SLC24A2: variants seen among roughly 807,000 people sequenced by gnomAD.
SLC24A2 encodes the protein solute carrier family 24 member 2.
SLC24A2 carries 36 observed loss-of-function variants against 62.0 expected under a neutral mutation model. The ratio of observed to expected loss-of-function variants is 0.58; its 90% CI spans 0.44 to 0.77. The LOEUF is 0.77. SLC24A2 is among the 30% of genes least tolerant of loss of function. The pLI is 0.00. For missense variants in SLC24A2, 846 were observed against 817.9 expected, an observed-to-expected ratio of 1.03 and a Z score of -0.42; for synonymous variants, 358 against 294.0, an observed-to-expected ratio of 1.22 and a Z score of -2.23.
At chr9:19,529,229 T>C (rs1833580490) in intron 8 of SLC24A2, among the ~76,000 whole-genome samples, 1 of 152,150 alleles carries the variant, frequency 6.6e-6, no homozygotes, top group Admixed American at 6.5e-5. Flanking sequence ...AGAGTTGACT[T>C]GTATGAAAGT....
the SLC24A2 span, among the ~76,000 whole-genome samples, chr9:19,963,834 A>G: frequency 1.3e-5 from 2 of 152,158 alleles, no homozygotes; most frequent in African/African-American, 4.8e-5. Context: ...ACCTAGAACT[A>G]GAAATACCAT....
intron 2 of SLC24A2, among the ~76,000 whole-genome samples, chr9:19,709,215 A>C (rs547463448): frequency 2.0e-5 from 3 of 151,914 alleles, no homozygotes; most frequent in African/African-American, 7.2e-5. Flanking sequence ...ATACCATCTC[A>C]CACCAGTTAG....
the SLC24A2 span, among the ~76,000 whole-genome samples, chr9:19,924,394 T>C: frequency 2.6e-5 from 4 of 152,216 alleles, no homozygotes; most frequent in Admixed American, 2.6e-4. Context: ...ACCCCATTTC[T>C]CCTGCAGTTA....
the SLC24A2 span, among the ~76,000 whole-genome samples, chr9:20,286,109 T>A: frequency 6.6e-6 from 1 of 152,226 alleles, no homozygotes. Context: ...AACTTATGCC[T>A]GCACTGAGCT....
At chr9:20,194,403 C>G in the SLC24A2 span, among the ~76,000 whole-genome samples, 1 of 152,092 alleles carries the variant, frequency 6.6e-6, no homozygotes, top group African/African-American at 2.4e-5. Context: ...TCCAAGATTA[C>G]TGTACACATT....
chr9:19,935,205 T>C, the SLC24A2 span, among the ~76,000 whole-genome samples: 3 of 151,598 alleles, frequency 2.0e-5, no homozygotes, highest in Non-Finnish European at 4.4e-5. Context: ...TGACCTACTA[T>C]ATTGGAAATC....
At chr9:20,232,381 G>A in the SLC24A2 span, among the ~76,000 whole-genome samples, 2 of 152,084 alleles carry the variant, frequency 1.3e-5, no homozygotes, top group Admixed American at 1.3e-4. Context: ...TTTTTTGGTT[G>A]GTAAGCTATT....
At chr9:20,018,967 G>C in the SLC24A2 span, among the ~76,000 whole-genome samples, 1 of 151,838 alleles carries the variant, frequency 6.6e-6, no homozygotes, top group Non-Finnish European at 1.5e-5. Flanking sequence ...AGGAGGCTGA[G>C]GTAGGAGGAG....
chr9:20,075,354 G>A, the SLC24A2 span, among the ~76,000 whole-genome samples: 4 of 152,288 alleles, frequency 2.6e-5, no homozygotes, highest in Admixed American at 2.6e-4. Context: ...AGAATAACTG[G>A]ATAACCTTGC....
At chr9:20,278,301 T>C in the SLC24A2 span, among the ~76,000 whole-genome samples, 1 of 152,110 alleles carries the variant, frequency 6.6e-6, no homozygotes, top group South Asian at 2.1e-4. Flanking sequence ...GGCTGCAAAA[T>C]TTTTGAACTC....
chr9:19,606,277 T>C (rs897326007), intron 4 of SLC24A2, among the ~76,000 whole-genome samples: 1 of 152,206 alleles, frequency 6.6e-6, no homozygotes, highest in Non-Finnish European at 1.5e-5. Flanking sequence ...TCATAAATAA[T>C]TTTCTAAAAT....
chr9:20,187,407 G>T, the SLC24A2 span, among the ~76,000 whole-genome samples: 9 of 152,086 alleles, frequency 5.9e-5, no homozygotes, highest in Non-Finnish European at 1.2e-4. Context: ...ACCCCCCGTT[G>T]CTTACTCAAC....
At chr9:19,994,738 G>A in the SLC24A2 span, among the ~76,000 whole-genome samples, 35,573 of 152,078 alleles carry the variant, frequency 0.23, 5,136 homozygotes, top group East Asian at 0.41. Flanking sequence ...AAGATAGTGT[G>A]GCTTCATGCA....
chr9:20,250,430 C>G, the SLC24A2 span, among the ~76,000 whole-genome samples: 19 of 152,138 alleles, frequency 1.2e-4, no homozygotes, highest in Non-Finnish European at 1.9e-4. Context: ...TAATGAGCCC[C>G]GGAGTCTTCT....
the SLC24A2 span, among the ~76,000 whole-genome samples, chr9:19,939,788 G>T: frequency 1.6e-3 from 240 of 152,312 alleles, 5 homozygotes; most frequent in East Asian, 0.045. Flanking sequence ...ATGTCATCAT[G>T]CAGCACGTGA....
chr9:19,583,919 C>T (rs1032589192), intron 5 of SLC24A2, among the ~76,000 whole-genome samples: 6 of 152,038 alleles, frequency 3.9e-5, no homozygotes, highest in Admixed American at 2.6e-4. Context: ...TATTAAGCTG[C>T]CCCTCATTCA....
the SLC24A2 span, among the ~76,000 whole-genome samples, chr9:20,051,234 C>T: frequency 6.6e-6 from 1 of 152,002 alleles, no homozygotes; most frequent in African/African-American, 2.4e-5. Flanking sequence ...TAATATCAAG[C>T]AAAACGTTTA....
At chr9:20,091,838 A>C in the SLC24A2 span, among the ~76,000 whole-genome samples, 1 of 152,228 alleles carries the variant, frequency 6.6e-6, no homozygotes, top group Non-Finnish European at 1.5e-5. Flanking sequence ...CATGGAATCA[A>C]CCTAAATGAC....
At chr9:20,008,566 C>T in the SLC24A2 span, among the ~76,000 whole-genome samples, 4 of 152,276 alleles carry the variant, frequency 2.6e-5, no homozygotes, top group South Asian at 8.3e-4. Flanking sequence ...TCCATGACTT[C>T]TGCTTCCTGT....
Sources: gnomAD v4.1 joint callset for allele counts (sites outside exome capture counted in the v4.1 genomes callset) on GRCh38, gnomAD v4.1.1 for gene constraint, MANE v1.5 for transcripts, NCBI Gene and HGNC (gene_info 2026-07-23, HGNC 2026-07-21) for gene names.